Variants in ZNF488 observed in about 807,000 individuals in gnomAD.
ZNF488 encodes the protein zinc finger protein 488.
In ZNF488, 1 loss-of-function variant was observed where a neutral mutation model predicts 1.2. That is an observed-to-expected ratio of 0.86 (90% confidence interval 0.30 to 4.07). The LOEUF (loss-of-function observed/expected upper bound fraction) is 4.07. Among genes scored for constraint, ZNF488 ranks in the 30% most tolerant of loss-of-function variants. The pLI, the probability that ZNF488 is intolerant of heterozygous loss-of-function variation, is 0.18. For synonymous variants in ZNF488, 185 were observed against 190.1 expected (o/e 0.97, Z 0.22); for missense variants, 450 against 437.9 (o/e 1.03, Z -0.25).
intron 1 of ZNF488, among the ~76,000 whole-genome samples, chr10:47,383,386 T>C (rs1202227925): frequency 6.6e-6 from 1 of 152,138 alleles, no homozygotes; most frequent in Non-Finnish European, 1.5e-5. Flanking sequence ...ACTGTCTTCC[T>C]ACAACCCTGC....
At chr10:47,374,752 C>G (rs1164000856) in intron 1 of ZNF488, among the ~76,000 whole-genome samples, 1 of 152,192 alleles carries the variant, frequency 6.6e-6, no homozygotes, top group East Asian at 1.9e-4. Flanking sequence ...CACAGCCACC[C>G]CACAAGTCCA....
At chr10:47,377,478 T>A (rs1386808909) in intron 1 of ZNF488, among the ~76,000 whole-genome samples, 1 of 152,104 alleles carries the variant, frequency 6.6e-6, no homozygotes, top group Non-Finnish European at 1.5e-5. Flanking sequence ...GCTATGGATG[T>A]GACAACTCAC....
intron 1 of ZNF488, among the ~76,000 whole-genome samples, chr10:47,380,156 CT>C (rs1555215049): frequency 6.6e-6 from 1 of 152,276 alleles, no homozygotes; most frequent in East Asian, 1.9e-4. Flanking sequence ...CTCTCACCCC[CT>C]GACACTCTTT....
At chr10:47,371,693 G>A (rs184880560) in intron 1 of ZNF488, among the ~76,000 whole-genome samples, 15 of 152,030 alleles carry the variant, frequency 9.9e-5, no homozygotes, top group Admixed American at 9.8e-4. Flanking sequence ...ATTCTGTAAG[G>A]GATTCTCACG....
chr10:47,378,844 G>A (rs929996331), intron 1 of ZNF488, among the ~76,000 whole-genome samples: 4 of 152,212 alleles, frequency 2.6e-5, no homozygotes, highest in African/African-American at 4.8e-5. Flanking sequence ...ACCACGTGGT[G>A]CAGCAGGCTC....
At chr10:47,383,961 A>G (rs1555215852) in intron 1 of ZNF488, among the ~76,000 whole-genome samples, 1 of 152,202 alleles carries the variant, frequency 6.6e-6, no homozygotes, top group Non-Finnish European at 1.5e-5. Flanking sequence ...ACACAGAAGA[A>G]AATGAAAACA....
At chr10:47,369,266 A>G (rs924175008) in intron 1 of ZNF488, among the ~76,000 whole-genome samples, 12 of 152,214 alleles carry the variant, frequency 7.9e-5, no homozygotes, top group African/African-American at 2.4e-4. Flanking sequence ...GAGAGTCTGC[A>G]GGGGAAGGGA....
chr10:47,372,603 T>C (rs543335516), intron 1 of ZNF488, among the ~76,000 whole-genome samples: 21 of 152,278 alleles, frequency 1.4e-4, no homozygotes, highest in Non-Finnish European at 2.6e-4. Context: ...ATTCCCAGCT[T>C]TAAACCTTCT....
chr10:47,375,545 T>G (rs148634777), intron 1 of ZNF488, among the ~76,000 whole-genome samples: 1 of 152,220 alleles, frequency 6.6e-6, no homozygotes, highest in Non-Finnish European at 1.5e-5. Flanking sequence ...AAACTGAAAT[T>G]TTTGTCTTGT....
At chr10:47,375,095 C>T (rs1185402401) in intron 1 of ZNF488, among the ~76,000 whole-genome samples, 2 of 152,344 alleles carry the variant, frequency 1.3e-5, no homozygotes, top group East Asian at 3.9e-4. Context: ...TTCGTCTCTG[C>T]CTGCAACTTG....
intron 1 of ZNF488, among the ~76,000 whole-genome samples, chr10:47,380,285 A>T (rs1386963091): frequency 6.6e-6 from 1 of 151,668 alleles, no homozygotes; most frequent in Non-Finnish European, 1.5e-5. Context: ...GATGTCTCTC[A>T]TTGCCACCCC....
At chr10:47,384,076 GAC>G (rs1225320424) in intron 1 of ZNF488, 142 bp downstream of exon 1, 1 of 152,490 alleles carries the variant, frequency 6.6e-6, no homozygotes, top group Non-Finnish European at 1.5e-5. Context: ...GGAAGCTGGC[GAC>G]ATTGGGAAGG....
chr10:47,373,408 G>T (rs1397438144), intron 1 of ZNF488, among the ~76,000 whole-genome samples: 1 of 152,074 alleles, frequency 6.6e-6, no homozygotes, highest in African/African-American at 2.4e-5. Flanking sequence ...AAACAGAAAG[G>T]CACAAAAAGT....
At chr10:47,375,696 C>T (rs1837653486) in intron 1 of ZNF488, among the ~76,000 whole-genome samples, 1 of 152,180 alleles carries the variant, frequency 6.6e-6, no homozygotes, top group Non-Finnish European at 1.5e-5. Context: ...TTCATTGTTC[C>T]ACTTTCATCT....
Position 47,367,925 on chromosome 10 carries a change from T to C in ZNF488, c.905A>G (p.His302Arg). The change falls in exon 2 of 2, where the codon CAT becomes CGT. Residue 302 changes from histidine (H) to arginine (R), a missense_variant. Physicochemically the swap from His to Arg is conservative, Grantham distance 29 (BLOSUM62 0). Coordinates refer to ENST00000585316, the MANE Select transcript of ZNF488 (RefSeq NM_153034.4). ...FHMRSHHKKE[H>R]AGPDPHSQKR... ...CTGAGAATGTGGGTCAGGCCCCGCATGCTCCTTTTTGTGGTGGGATCGCAT... is the reference window on the plus strand; with the variant it reads ...CTGAGAATGTGGGTCAGGCCCCGCACGCTCCTTTTTGTGGTGGGATCGCAT... 2 of 1,614,134 alleles carry C rather than the reference T, an allele frequency of 1.2e-6. No individual in the cohort carries two copies. The highest frequency in any genetic ancestry group is 8.5e-7 in the Non-Finnish European group (1 of 1,180,044).
At chr10:47,371,432 A>T (rs1837461273) in intron 1 of ZNF488, among the ~76,000 whole-genome samples, 1 of 152,156 alleles carries the variant, frequency 6.6e-6, no homozygotes, top group East Asian at 1.9e-4. Context: ...TGTGAAAAAT[A>T]ATTTTTACTA....
intron 1 of ZNF488, 62 bp from the exon 2 acceptor site, chr10:47,368,999 A>T (rs1373496235): frequency 4.0e-6 from 3 of 741,454 alleles, no homozygotes; most frequent in Non-Finnish European, 4.2e-6. Context: ...ACAGTGCATC[A>T]TGAGCTGGCA....
chr10:47,372,554 A>G (rs189964202), intron 1 of ZNF488, among the ~76,000 whole-genome samples: 211 of 152,262 alleles, frequency 1.4e-3, no homozygotes, highest in African/African-American at 4.9e-3. Flanking sequence ...GTCAAGAAAA[A>G]AAATAAAGAG....
intron 1 of ZNF488, among the ~76,000 whole-genome samples, chr10:47,383,044 T>C (rs782168098): frequency 5.3e-5 from 8 of 152,344 alleles, no homozygotes; most frequent in South Asian, 2.1e-4. Context: ...TAAGATTACA[T>C]TGTAACCAAG....
Sources: gnomAD v4.1 joint callset for allele counts (sites outside exome capture counted in the v4.1 genomes callset) on GRCh38, gnomAD v4.1.1 for gene constraint, MANE v1.5 for transcripts, NCBI Gene and HGNC (gene_info 2026-07-23, HGNC 2026-07-21) for gene names.